Variants in PLXDC2 observed in about 807,000 individuals in gnomAD.
The protein encoded by PLXDC2 is plexin domain containing 2.
A neutral mutation model predicts 68.9 loss-of-function variants in PLXDC2; 40 were observed. The observed-to-expected ratio is 0.58, with a 90% confidence interval of 0.45 to 0.76. The LOEUF (loss-of-function observed/expected upper bound fraction) is 0.76, where lower values mean the gene tolerates loss of function less well. Among genes scored for constraint, PLXDC2 ranks in the 30% least tolerant of loss-of-function variants. The probability of loss-of-function intolerance (pLI) is 0.00; values close to 1 mark genes in which losing one functional copy is unlikely to be tolerated. For missense variants in PLXDC2, 644 were observed against 661.9 expected, an observed-to-expected ratio of 0.97 and a Z score of 0.30; for synonymous variants, 243 against 234.2, an observed-to-expected ratio of 1.04 and a Z score of -0.34.
intron 2 of PLXDC2, among the ~76,000 whole-genome samples, chr10:20,009,699 G>A (rs949787810): frequency 5.3e-5 from 8 of 149,862 alleles, no homozygotes; most frequent in Non-Finnish European, 1.2e-4. Flanking sequence ...ACCAAGTCAC[G>A]AAGAAAGTGT....
intron 13 of PLXDC2, among the ~76,000 whole-genome samples, chr10:20,252,016 A>G (rs1306467095): frequency 6.6e-6 from 1 of 152,188 alleles, no homozygotes; most frequent in East Asian, 1.9e-4. Flanking sequence ...AAATGTCCTC[A>G]GAGAGAAAGG....
intron 1 of PLXDC2, among the ~76,000 whole-genome samples, chr10:19,838,402 A>G (rs937152377): frequency 3.9e-5 from 6 of 152,216 alleles, no homozygotes; most frequent in Non-Finnish European, 8.8e-5. Context: ...CTATTTGTTA[A>G]CTTTACTCTG....
intron 4 of PLXDC2, among the ~76,000 whole-genome samples, chr10:20,128,834 A>G (rs1358545302): frequency 1.3e-5 from 2 of 152,136 alleles, no homozygotes; most frequent in African/African-American, 4.8e-5. Flanking sequence ...TAAAGGCTGA[A>G]TAGTATTCCA....
At chr10:19,967,552 A>G (rs1002156922) in intron 1 of PLXDC2, among the ~76,000 whole-genome samples, 4 of 152,206 alleles carry the variant, frequency 2.6e-5, no homozygotes, top group African/African-American at 9.6e-5. Flanking sequence ...GAAAACAATT[A>G]TAATAATAAG....
intron 1 of PLXDC2, among the ~76,000 whole-genome samples, chr10:19,825,874 T>G (rs1249471499): frequency 6.6e-6 from 1 of 152,176 alleles, no homozygotes; most frequent in Non-Finnish European, 1.5e-5. Flanking sequence ...TTTGTTCATT[T>G]GTCTGGTCAA....
chr10:20,088,341 A>C (rs1833228914), intron 4 of PLXDC2, among the ~76,000 whole-genome samples: 1 of 152,206 alleles, frequency 6.6e-6, no homozygotes, highest in Non-Finnish European at 1.5e-5. Context: ...GTAGCCTTGC[A>C]ATTAAGAGGA....
At chr10:19,994,654 T>A (rs1418438380) in intron 1 of PLXDC2, among the ~76,000 whole-genome samples, 1 of 151,548 alleles carries the variant, frequency 6.6e-6, no homozygotes, top group Non-Finnish European at 1.5e-5. Context: ...CAGTTTAAAA[T>A]CTTAATAAGT....
chr10:20,028,718 C>T (rs1346620482), intron 2 of PLXDC2, among the ~76,000 whole-genome samples: 1 of 152,128 alleles, frequency 6.6e-6, no homozygotes, highest in African/African-American at 2.4e-5. Context: ...GCCTCTTTCT[C>T]TTTTGCTCTT....
intron 1 of PLXDC2, among the ~76,000 whole-genome samples, chr10:19,980,805 G>T (rs1045907326): frequency 3.3e-5 from 5 of 152,048 alleles, no homozygotes; most frequent in African/African-American, 9.7e-5. Context: ...TTCCATAGAT[G>T]CCCCATCCCC....
intron 4 of PLXDC2, among the ~76,000 whole-genome samples, chr10:20,084,833 G>A (rs1258674687): frequency 1.3e-5 from 2 of 151,440 alleles, no homozygotes; most frequent in Non-Finnish European, 2.9e-5. Context: ...TACAATGAAG[G>A]CTTTCAGGAC....
chr10:19,912,401 T>C (rs1408680140), intron 1 of PLXDC2, among the ~76,000 whole-genome samples: 1 of 152,202 alleles, frequency 6.6e-6, no homozygotes, highest in Non-Finnish European at 1.5e-5. Context: ...AGCTAGAACT[T>C]AGCTATAACA....
intron 1 of PLXDC2, among the ~76,000 whole-genome samples, chr10:19,878,395 G>A (rs1837672847): frequency 6.6e-6 from 1 of 152,042 alleles, no homozygotes; most frequent in South Asian, 2.1e-4. Context: ...TTGCCATCTC[G>A]TGGATTTAAA....
At chr10:19,832,731 A>C (rs1364050842) in intron 1 of PLXDC2, among the ~76,000 whole-genome samples, 1 of 152,210 alleles carries the variant, frequency 6.6e-6, no homozygotes, top group Non-Finnish European at 1.5e-5. Context: ...TATAACATGG[A>C]TACAGTGCGA....
chr10:19,890,096 A>C (rs1457593485), intron 1 of PLXDC2, among the ~76,000 whole-genome samples: 1 of 152,106 alleles, frequency 6.6e-6, no homozygotes, highest in Non-Finnish European at 1.5e-5. Flanking sequence ...GACAAATTTG[A>C]TAGCCTGCTG....
At chr10:20,107,016 C>CAT (rs1833499800) in intron 4 of PLXDC2, among the ~76,000 whole-genome samples, 1 of 148,538 alleles carries the variant, frequency 6.7e-6, no homozygotes, top group Non-Finnish European at 1.5e-5. Context: ...GTAGTGTATA[C>CAT]ATATATATAC....
Position 20,006,202 on chromosome 10 carries a change from C to G in PLXDC2, c.324+4216C>G, listed in dbSNP as rs527776662. 5.3e-5 allele frequency among the ~76,000 whole-genome samples: 8 copies of G among 152,104 alleles called. No homozygotes were observed. In the East Asian group the frequency reaches 1.5e-3, roughly 29 times the overall value. ...TAAGAAAAAAAAAAGGTAAAAAAGGCATTTGTGAACACGGTTGCATCTCTT... is the reference window on the plus strand; with the variant it reads ...TAAGAAAAAAAAAAGGTAAAAAAGGGATTTGTGAACACGGTTGCATCTCTT... On this transcript the variant is annotated intron_variant, in intron 2 of 13. Transcript: ENST00000377252.
At chr10:19,878,331 A>G (rs954037934) in intron 1 of PLXDC2, among the ~76,000 whole-genome samples, 2 of 152,120 alleles carry the variant, frequency 1.3e-5, no homozygotes, top group Admixed American at 6.6e-5. Flanking sequence ...CCTCCTAAGT[A>G]TCTGAACTAC....
chr10:19,854,551 C>A (rs1837180173), intron 1 of PLXDC2, among the ~76,000 whole-genome samples: 1 of 152,112 alleles, frequency 6.6e-6, no homozygotes, highest in Admixed American at 6.5e-5. Context: ...TTATCCAACC[C>A]AAAATATCTT....
At chr10:19,897,604 G>A (rs560393840) in intron 1 of PLXDC2, among the ~76,000 whole-genome samples, 37 of 152,250 alleles carry the variant, frequency 2.4e-4, no homozygotes, top group Non-Finnish European at 4.6e-4. Flanking sequence ...GAAAACATAA[G>A]TACATGCTTC....
Sources: gnomAD v4.1 joint callset for allele counts (sites outside exome capture counted in the v4.1 genomes callset) on GRCh38, gnomAD v4.1.1 for gene constraint, MANE v1.5 for transcripts, NCBI Gene and HGNC (gene_info 2026-07-23, HGNC 2026-07-21) for gene names.